The following DCDC1 variants were observed in gnomAD, a reference collection of about 807,000 sequenced individuals.
DCDC1 encodes the protein doublecortin domain-containing protein 1.
In DCDC1, 200 loss-of-function variants were observed where a neutral mutation model predicts 178.3. The ratio of observed to expected loss-of-function variants is 1.12; its 90% CI spans 1.00 to 1.26. The LOEUF is 1.26. DCDC1 is among the 50% of genes most tolerant of loss of function. DCDC1 has a pLI of 0.00. For synonymous variants in DCDC1, 690 were observed against 604.8 expected, an observed-to-expected ratio of 1.14 and a Z score of -2.07; for missense variants, 1,983 against 1,749.2, an observed-to-expected ratio of 1.13 and a Z score of -2.38.
intron 9 of DCDC1, among the ~76,000 whole-genome samples, chr11:31,187,219 G>A (rs549879337): frequency 1.0e-3 from 154 of 152,288 alleles, no homozygotes; most frequent in African/African-American, 3.2e-3. Flanking sequence ...AATATTTGTT[G>A]AATGAATAAG....
intron 21 of DCDC1, among the ~76,000 whole-genome samples, chr11:30,941,499 C>A (rs1947638715): frequency 2.0e-5 from 3 of 152,144 alleles, no homozygotes; most frequent in African/African-American, 7.2e-5. Context: ...CATTTCCTGG[C>A]ATGCTATTTT....
intron 34 of DCDC1, among the ~76,000 whole-genome samples, chr11:30,898,110 G>C (rs537901732): frequency 6.6e-6 from 1 of 152,132 alleles, no homozygotes; most frequent in African/African-American, 2.4e-5. Context: ...AATGTATGAA[G>C]TGTAGTGGGC....
chr11:31,021,656 T>C (rs957042933), intron 20 of DCDC1, among the ~76,000 whole-genome samples: 1 of 152,056 alleles, frequency 6.6e-6, no homozygotes, highest in Admixed American at 6.6e-5. Context: ...GGAGAAAAAA[T>C]TGTTATTATA....
chr11:30,901,975 TG>T (rs1239251076), intron 32 of DCDC1, among the ~76,000 whole-genome samples: 1 of 152,156 alleles, frequency 6.6e-6, no homozygotes, highest in Non-Finnish European at 1.5e-5. Context: ...AATACACAAA[TG>T]ACTATTATTC....
In DCDC1 at chr11:30,955,589, C is replaced by A. The variant is rs140995234; in HGVS notation, c.2592-3021G>T. ...ACCACTTTCAAAATCCTGTTTTCAACACCATCACCCTTTCACCACCACCTC... is the reference window on the plus strand; with the variant it reads ...ACCACTTTCAAAATCCTGTTTTCAAAACCATCACCCTTTCACCACCACCTC... On this transcript the variant is annotated intron_variant, in intron 20 of 38. Transcript: ENST00000684477. Among the ~76,000 whole-genome samples, 1,175 of 152,310 alleles carry A rather than the reference C, an allele frequency of 7.7e-3. 5 individuals are homozygous for A. The highest frequency in any genetic ancestry group is 0.011 in the Non-Finnish European group (722 of 68,030).
At chr11:31,075,504 A>C (rs1434804050) in intron 18 of DCDC1, among the ~76,000 whole-genome samples, 1 of 152,132 alleles carries the variant, frequency 6.6e-6, no homozygotes, top group Non-Finnish European at 1.5e-5. Flanking sequence ...AATAATTTAC[A>C]TTTCCACCAA....
At position 31,334,115 on chromosome 11, in the gene DCDC1, T is replaced by G. The variant is rs1253346500; in HGVS notation, c.-7+1332A>C. Among the ~76,000 whole-genome samples the G allele has an allele frequency of 2.0e-5, 3 of 152,174 alleles. No individual in the cohort carries two copies. In the East Asian group the frequency reaches 5.8e-4, roughly 29 times the overall value. On this transcript the variant is annotated intron_variant, in intron 2 of 38. Coordinates refer to ENST00000684477, the MANE Select transcript of DCDC1 (RefSeq NM_001387274.1). Reference sequence around the variant, plus strand: ...TTTCTCTAAACTTCTCTTCTCACTTTATTTCATTAATTTGATCTTCAACCA... The same window carrying G: ...TTTCTCTAAACTTCTCTTCTCACTTGATTTCATTAATTTGATCTTCAACCA...
chr11:30,982,297 C>T (rs895882224), intron 20 of DCDC1, among the ~76,000 whole-genome samples: 10 of 152,172 alleles, frequency 6.6e-5, no homozygotes, highest in Non-Finnish European at 1.2e-4. Context: ...TTTAACATTA[C>T]AGCTTCAACG....
intron 1 of DCDC1, among the ~76,000 whole-genome samples, chr11:31,360,117 A>T (rs2133376768): frequency 6.6e-6 from 1 of 152,348 alleles, no homozygotes; most frequent in Non-Finnish European, 1.5e-5. Flanking sequence ...TAGACATGGT[A>T]GAAAGTATTC....
At chr11:31,330,381 T>C (rs904255980) in intron 2 of DCDC1, among the ~76,000 whole-genome samples, 1 of 152,224 alleles carries the variant, frequency 6.6e-6, no homozygotes, top group Non-Finnish European at 1.5e-5. Flanking sequence ...TCTTTTGCTA[T>C]GCAGAAGCTC....
At chr11:31,276,455 G>A (rs1475065841) in intron 7 of DCDC1, among the ~76,000 whole-genome samples, 1 of 152,022 alleles carries the variant, frequency 6.6e-6, no homozygotes, top group African/African-American at 2.4e-5. Flanking sequence ...TTTTGAGAAA[G>A]GGAATCTGTT....
chr11:31,126,160 C>A (rs1387530333), intron 11 of DCDC1, among the ~76,000 whole-genome samples: 1 of 152,148 alleles, frequency 6.6e-6, no homozygotes, highest in Non-Finnish European at 1.5e-5. Context: ...GCCATTAAAG[C>A]AACTACACTT....
chr11:30,919,235 G>A (rs1426490179), intron 25 of DCDC1, among the ~76,000 whole-genome samples: 4 of 152,076 alleles, frequency 2.6e-5, no homozygotes, highest in African/African-American at 9.7e-5. Flanking sequence ...GCATAGTACA[G>A]AGAAACATAT....
chr11:30,939,516 C>T (rs1015677944), intron 21 of DCDC1, among the ~76,000 whole-genome samples: 1 of 152,246 alleles, frequency 6.6e-6, no homozygotes, highest in African/African-American at 2.4e-5. Flanking sequence ...TTATCCCTCA[C>T]CACACAAGTC....
At chr11:31,111,800 G>A (rs1439949745) in intron 11 of DCDC1, among the ~76,000 whole-genome samples, 1 of 152,110 alleles carries the variant, frequency 6.6e-6, no homozygotes, top group East Asian at 1.9e-4. Context: ...AGCTCAGTTT[G>A]GAGAACTTAT....
chr11:31,186,706 G>T (rs1969540628), intron 9 of DCDC1, among the ~76,000 whole-genome samples: 1 of 152,222 alleles, frequency 6.6e-6, no homozygotes, highest in African/African-American at 2.4e-5. Flanking sequence ...GACTTGCAGG[G>T]CAGTTAGAGT....
chr11:31,177,448 A>T (rs916610775), intron 9 of DCDC1, among the ~76,000 whole-genome samples: 1 of 152,126 alleles, frequency 6.6e-6, no homozygotes, highest in African/African-American at 2.4e-5. Flanking sequence ...AAAACAAGAA[A>T]AAAAGAAATA....
intron 21 of DCDC1, 139 bp from the exon 22 acceptor site, chr11:30,932,091 C>A: frequency 1.5e-6 from 1 of 646,158 alleles, no homozygotes. Flanking sequence ...CTAAGATGCT[C>A]CAGACAATTC....
At chr11:30,971,539 T>C (rs1488547497) in intron 20 of DCDC1, among the ~76,000 whole-genome samples, 3 of 151,388 alleles carry the variant, frequency 2.0e-5, no homozygotes, top group African/African-American at 7.3e-5. Flanking sequence ...AAAATACATT[T>C]GAGAGCTTCA....
Sources: allele counts gnomAD v4.1 joint callset (sites outside exome capture counted in the v4.1 genomes callset), GRCh38; gene constraint gnomAD v4.1.1; transcripts MANE v1.5; gene names NCBI Gene and HGNC (gene_info 2026-07-23, HGNC 2026-07-21).